TJP3: variants seen among roughly 807,000 people sequenced by gnomAD.
The protein encoded by TJP3 is tight junction protein 3.
Under a neutral mutation model 104.2 loss-of-function variants are expected in TJP3, and 85 were observed. The ratio of observed to expected loss-of-function variants is 0.82; its 90% CI spans 0.68 to 0.98. The LOEUF (loss-of-function observed/expected upper bound fraction) is 0.98, where lower values mean the gene tolerates loss of function less well. TJP3 is among the 50% of genes least tolerant of loss of function. The pLI is 0.00. For synonymous variants in TJP3, 550 were observed against 550.6 expected (o/e 1.00, Z 0.02); for missense variants, 1,367 against 1,322.8 (o/e 1.03, Z -0.52).
intron 1 of TJP3, among the ~76,000 whole-genome samples, chr19:3,717,773 G>A (rs901649482): frequency 2.0e-5 from 3 of 151,820 alleles, no homozygotes; most frequent in Non-Finnish European, 4.4e-5. Flanking sequence ...TGGAGATGGG[G>A]GTCTCACTGT....
intron 1 of TJP3, among the ~76,000 whole-genome samples, chr19:3,727,731 T>C (rs1599149766): frequency 1.3e-5 from 2 of 152,200 alleles, no homozygotes; most frequent in South Asian, 4.1e-4. Context: ...ATCCCGTCTC[T>C]ACTAAAAATA....
At chr19:3,736,740 A>T (rs564310195) in intron 11 of TJP3, among the ~76,000 whole-genome samples, 2 of 151,724 alleles carry the variant, frequency 1.3e-5, no homozygotes, top group Non-Finnish European at 2.9e-5. Flanking sequence ...ACGCCCGGCT[A>T]ATTTTTATAT....
chr19:3,735,511 T>G, intron 8 of TJP3, 55 bp from the exon 9 acceptor site: 1 of 1,587,898 alleles, frequency 6.3e-7, no homozygotes, highest in Non-Finnish European at 8.6e-7. Flanking sequence ...AAATTCTTTT[T>G]AAAATGGCCC....
intron 1 of TJP3, among the ~76,000 whole-genome samples, chr19:3,720,237 A>T (rs1325309969): frequency 6.6e-6 from 1 of 152,178 alleles, no homozygotes; most frequent in Non-Finnish European, 1.5e-5. Flanking sequence ...AGGCTTTGGC[A>T]ATGCTTTATT....
chr19:3,730,273 C>G lies in TJP3; in HGVS notation c.262-82C>G. On this transcript the variant is annotated intron_variant, in intron 4 of 20. Transcript: ENST00000541714. The surrounding 1 kb of genome is among the most constrained non-coding windows in gnomAD (Gnocchi z 7.3). ...TTGAGGCCCAGAGAGAGACTGGTGT[C>G]CCCCAGGGCCACCCGGGGGCTGAGC... 6.7e-7 allele frequency: 1 copy of G among 1,484,502 alleles called. No individual in the cohort carries two copies. The highest frequency in any genetic ancestry group is 1.3e-5 in the South Asian group (1 of 78,848). The allele number at this position is 1,484,502 out of a possible 1,614,324, so 92.0% of individuals were successfully genotyped here.
chr19:3,745,951 T>A (rs2036880906), intron 15 of TJP3, 60 bp from the exon 16 acceptor site: 2 of 1,435,134 alleles, frequency 1.4e-6, no homozygotes, highest in South Asian at 2.4e-5. Flanking sequence ...CAGGTAGGCA[T>A]GAATTTGAGG....
chr19:3,733,146 C>G (rs2036694258), intron 6 of TJP3, among the ~76,000 whole-genome samples: 3 of 152,180 alleles, frequency 2.0e-5, no homozygotes, highest in Admixed American at 1.3e-4. Flanking sequence ...AGTGATTCTC[C>G]TGTCTCAGTC....
intron 14 of TJP3, 185 bp from the exon 15 acceptor site, chr19:3,743,754 A>T (rs752280679): frequency 1.8e-6 from 1 of 569,264 alleles, no homozygotes; most frequent in Non-Finnish European, 3.1e-6. Flanking sequence ...TCCATTGGCC[A>T]TTATTTGGTC....
chr19:3,718,257 CTGTGTGTG>C (rs2036508218), intron 1 of TJP3, among the ~76,000 whole-genome samples: 1 of 27,472 alleles, frequency 3.6e-5, no homozygotes, highest in East Asian at 1.1e-3. Context: ...GTGTGTGTGT[CTGTGTGTG>C]TGTAGAGATG....
rs140081296 is a variant in TJP3, at chr19:3,746,128, C to G, written c.2010+47C>G. ...GTCCCATTTCATGGATGGGGGAAAC[C>G]GAGGCCTGGGCATCCAACTGAATGT... On this transcript the variant is annotated intron_variant, in intron 16 of 20. Coordinates refer to ENST00000541714, the MANE Select transcript of TJP3 (RefSeq NM_001267560.2). The surrounding 1 kb of genome is among the most constrained non-coding windows in gnomAD (Gnocchi z 4.1). 6.5e-7 allele frequency: 1 copy of G among 1,546,892 alleles called. No homozygotes were observed. The highest frequency in any genetic ancestry group is 1.2e-5 in the South Asian group (1 of 85,418).
At chr19:3,724,305 C>T (rs1347961895) in intron 1 of TJP3, among the ~76,000 whole-genome samples, 3 of 151,420 alleles carry the variant, frequency 2.0e-5, no homozygotes, top group Admixed American at 1.3e-4. Flanking sequence ...ACGCCATTCT[C>T]CTGCCTCAGC....
intron 15 of TJP3, among the ~76,000 whole-genome samples, chr19:3,744,506 ATACAAAAATTAGC>A (rs1405317995): frequency 2.6e-5 from 4 of 152,094 alleles, no homozygotes; most frequent in Admixed American, 1.3e-4. Context: ...TCTACTAAAA[ATACAAAAATTAGC>A]TAGGTGTGGT....
At chr19:3,729,296 T>A (rs190646317) in intron 3 of TJP3, among the ~76,000 whole-genome samples, 1,851 of 152,236 alleles carry the variant, frequency 0.012, 18 homozygotes, top group Non-Finnish European at 0.017. Flanking sequence ...ATTATGTTGT[T>A]AAAATGGTTC....
At chr19:3,727,990 A>G (rs1486339547) in intron 1 of TJP3, among the ~76,000 whole-genome samples, 3 of 152,094 alleles carry the variant, frequency 2.0e-5, no homozygotes, top group African/African-American at 4.8e-5. Flanking sequence ...CTGTAATCCC[A>G]GCACTTTGGG....
At chr19:3,711,748 A>AAAAAGAG (rs377487730) in intron 1 of TJP3, among the ~76,000 whole-genome samples, 1 of 128,166 alleles carries the variant, frequency 7.8e-6, no homozygotes, top group Admixed American at 8.4e-5. Context: ...AAAAAAAAAA[A>AAAAAGAG]AAAGGTGCTT....
chr19:3,724,378 G>A (rs1031131268), intron 1 of TJP3, among the ~76,000 whole-genome samples: 5 of 152,146 alleles, frequency 3.3e-5, no homozygotes, highest in African/African-American at 1.2e-4. Flanking sequence ...TGTATTTTTA[G>A]TAGAGACGGG....
chr19:3,747,671 G>GAGGGTCC, intron 18 of TJP3, 123 bp from the exon 19 acceptor site: 1 of 1,245,596 alleles, frequency 8.0e-7, no homozygotes, highest in Non-Finnish European at 1.1e-6. Flanking sequence ...AGCCTCCACT[G>GAGGGTCC]AGGCTCCAGG....
In TJP3 at chr19:3,746,569, A is replaced by C; in HGVS notation, c.2095A>C (p.Ile699Leu). The change falls in exon 17 of 21, where the codon ATC becomes CTC. Residue 699 changes from isoleucine to leucine, a missense_variant. Ile to Leu is a conservative substitution (Grantham distance 5, BLOSUM62 2). Coordinates refer to ENST00000541714, the MANE Select transcript of TJP3 (RefSeq NM_001267560.2). The surrounding 1 kb of genome is among the most constrained non-coding windows in gnomAD (Gnocchi z 4.1). ...VQYYPIVVFF[I>L]PESRPALKAL... ...GTACTACCCCATTGTGGTCTTCTTC[A>C]TCCCCGAGAGCCGGCCGGCCCTCAA... 1 of 1,613,954 alleles carries C rather than the reference A, an allele frequency of 6.2e-7. No homozygotes were observed. The highest frequency in any genetic ancestry group is 8.5e-7 in the Non-Finnish European group (1 of 1,180,004).
At chr19:3,725,236 T>A (rs1301865243) in intron 1 of TJP3, among the ~76,000 whole-genome samples, 1 of 152,152 alleles carries the variant, frequency 6.6e-6, no homozygotes, top group Non-Finnish European at 1.5e-5. Flanking sequence ...CACTCCAGCC[T>A]GGGCAACAGA....
Sources: gnomAD v4.1 joint callset for allele counts (sites outside exome capture counted in the v4.1 genomes callset) on GRCh38, gnomAD v4.1.1 for gene constraint, Gnocchi (gnomAD v3.1) non-coding constraint, MANE v1.5 for transcripts, NCBI Gene and HGNC (gene_info 2026-07-23, HGNC 2026-07-21) for gene names.